ZNF385D: variants seen among roughly 807,000 people sequenced by gnomAD.
ZNF385D encodes the protein zinc finger protein 385D.
Under a neutral mutation model 35.8 loss-of-function variants are expected in ZNF385D, and 15 were observed. The observed-to-expected ratio is 0.42, with a 90% confidence interval of 0.28 to 0.64. The LOEUF (loss-of-function observed/expected upper bound fraction) is 0.64, where lower values mean the gene tolerates loss of function less well. Among genes scored for constraint, ZNF385D ranks in the 30% least tolerant of loss-of-function variants. The pLI, the probability that ZNF385D is intolerant of heterozygous loss-of-function variation, is 0.23. For synonymous variants in ZNF385D, 212 were observed against 186.8 expected (o/e 1.13, Z -1.10); for missense variants, 474 against 494.6 (o/e 0.96, Z 0.39).
intron 3 of ZNF385D, among the ~76,000 whole-genome samples, chr3:22,153,041 T>C (rs979712203): frequency 9.2e-5 from 14 of 152,168 alleles, no homozygotes; most frequent in Non-Finnish European, 1.8e-4. Context: ...AAACCATGGC[T>C]TTTATTCTCA....
At chr3:22,109,751 T>C (rs1702412313) in intron 3 of ZNF385D, among the ~76,000 whole-genome samples, 1 of 152,044 alleles carries the variant, frequency 6.6e-6, no homozygotes, top group Non-Finnish European at 1.5e-5. Flanking sequence ...CCAAAAGCAA[T>C]GGCAAAGAAA....
intron 3 of ZNF385D, among the ~76,000 whole-genome samples, chr3:21,796,580 C>A (rs1195550584): frequency 1.3e-5 from 2 of 152,134 alleles, no homozygotes; most frequent in Non-Finnish European, 2.9e-5. Flanking sequence ...AATCTACACA[C>A]AGACCTTCAG....
intron 3 of ZNF385D, among the ~76,000 whole-genome samples, chr3:21,821,745 C>G (rs9865999): frequency 0.95 from 144,164 of 152,190 alleles, 68,290 homozygotes; most frequent in East Asian, 0.98. Context: ...AGGACCATGT[C>G]AGCTCAGGAG....
chr3:22,311,079 T>C (rs888394962), intron 2 of ZNF385D, among the ~76,000 whole-genome samples: 4 of 151,842 alleles, frequency 2.6e-5, no homozygotes, highest in African/African-American at 9.7e-5. Flanking sequence ...ACCCAGGTTA[T>C]TGTAATAGGC....
chr3:22,244,937 C>A (rs1699694176), intron 2 of ZNF385D, among the ~76,000 whole-genome samples: 1 of 151,952 alleles, frequency 6.6e-6, no homozygotes, highest in Admixed American at 6.6e-5. Flanking sequence ...ACAATTTGTG[C>A]TAGAGGAGCT....
intron 2 of ZNF385D, among the ~76,000 whole-genome samples, chr3:22,270,911 C>G (rs1177071155): frequency 6.6e-6 from 1 of 151,996 alleles, no homozygotes; most frequent in Non-Finnish European, 1.5e-5. Context: ...AAACTTCTTA[C>G]TGTGTTCATG....
At chr3:21,791,509 T>G (rs911545417) in intron 3 of ZNF385D, among the ~76,000 whole-genome samples, 1 of 152,210 alleles carries the variant, frequency 6.6e-6, no homozygotes. Context: ...AGAAGAAATC[T>G]GGCTCCTTCA....
At chr3:21,513,582 G>A (rs144412178) in intron 3 of ZNF385D, among the ~76,000 whole-genome samples, 156 of 152,124 alleles carry the variant, frequency 1.0e-3, no homozygotes, top group African/African-American at 3.7e-3. Context: ...GATAAACCAA[G>A]ACATGTAGAA....
At chr3:21,496,338 G>A (rs1705845016) in intron 4 of ZNF385D, among the ~76,000 whole-genome samples, 1 of 140,676 alleles carries the variant, frequency 7.1e-6, no homozygotes, top group African/African-American at 2.6e-5. Flanking sequence ...CCAACTTTAG[G>A]TATCAAGTAT....
intron 3 of ZNF385D, among the ~76,000 whole-genome samples, chr3:22,151,537 C>A (rs527655619): frequency 6.6e-6 from 1 of 152,172 alleles, no homozygotes; most frequent in East Asian, 1.9e-4. Flanking sequence ...TAGGGTTCTC[C>A]AGACAAACAA....
chr3:21,745,739 A>G (rs546338167), intron 1 of ZNF385D, among the ~76,000 whole-genome samples: 1 of 152,334 alleles, frequency 6.6e-6, no homozygotes, highest in African/African-American at 2.4e-5. Context: ...TTCCTAGTGC[A>G]ATACAAATGG....
At chr3:22,255,813 T>G (rs1700286277) in intron 2 of ZNF385D, among the ~76,000 whole-genome samples, 1 of 151,484 alleles carries the variant, frequency 6.6e-6, no homozygotes, top group Admixed American at 6.6e-5. Flanking sequence ...TAGTTGGGAC[T>G]CATGCTTTCC....
At chr3:22,107,784 G>T (rs1263387575) in intron 3 of ZNF385D, among the ~76,000 whole-genome samples, 5 of 151,910 alleles carry the variant, frequency 3.3e-5, no homozygotes, top group Admixed American at 1.3e-4. Flanking sequence ...ACATCCATAT[G>T]TAGTGTGGTA....
Position 22,078,897 on chromosome 3 carries a change from T to G in ZNF385D, c.325+89920A>C, listed in dbSNP as rs1271865161. 2.0e-5 allele frequency among the ~76,000 whole-genome samples: 3 copies of G among 152,096 alleles called. 1 individual carries two copies. The highest frequency in any genetic ancestry group is 4.4e-5 in the Non-Finnish European group (3 of 67,970). On this transcript the variant is annotated intron_variant, in intron 3 of 5. Coordinates refer to the ZNF385D transcript ENST00000494108. Reference sequence around the variant, plus strand: ...TAAAATTTTAAATACAATAATGTTATTTCTAACAAAGTATGCTTTGTCAAA... The same window carrying G: ...TAAAATTTTAAATACAATAATGTTAGTTCTAACAAAGTATGCTTTGTCAAA...
intron 3 of ZNF385D, among the ~76,000 whole-genome samples, chr3:22,037,517 G>T (rs1468072910): frequency 6.6e-6 from 1 of 152,088 alleles, no homozygotes; most frequent in Non-Finnish European, 1.5e-5. Flanking sequence ...CTTCTTTTGA[G>T]AAGTGTCTGT....
chr3:21,789,764 T>G (rs1018282461), intron 3 of ZNF385D, among the ~76,000 whole-genome samples: 3 of 152,188 alleles, frequency 2.0e-5, no homozygotes, highest in Non-Finnish European at 4.4e-5. Context: ...AGATGTAAAA[T>G]GCTTAAAATA....
At chr3:21,961,987 G>C (rs72625849) in intron 3 of ZNF385D, among the ~76,000 whole-genome samples, 37,805 of 152,068 alleles carry the variant, frequency 0.25, 5,166 homozygotes, top group East Asian at 0.32. Context: ...ACAGGGTCTT[G>C]TGGGCCAGAT....
intron 3 of ZNF385D, among the ~76,000 whole-genome samples, chr3:21,512,816 T>G (rs1707308970): frequency 6.6e-6 from 1 of 152,178 alleles, no homozygotes; most frequent in Non-Finnish European, 1.5e-5. Flanking sequence ...TTTTAGTATA[T>G]CAAGTCCTTC....
intron 1 of ZNF385D, among the ~76,000 whole-genome samples, chr3:21,667,413 C>T (rs1346253632): frequency 2.0e-5 from 3 of 152,182 alleles, no homozygotes; most frequent in African/African-American, 7.2e-5. Flanking sequence ...CCACCCACCT[C>T]GGCCTCCCAA....
Sources: allele counts gnomAD v4.1 joint callset (sites outside exome capture counted in the v4.1 genomes callset), GRCh38; gene constraint gnomAD v4.1.1; transcripts MANE v1.5; gene names NCBI Gene and HGNC (gene_info 2026-07-23, HGNC 2026-07-21).